Variants in CYP7B1 observed in about 807,000 individuals in gnomAD.
CYP7B1 encodes cytochrome P450 7B1.
Under a neutral mutation model 42.7 loss-of-function variants are expected in CYP7B1, and 29 were observed. The ratio of observed to expected loss-of-function variants is 0.68; its 90% CI spans 0.51 to 0.93. CYP7B1 has a LOEUF of 0.93. CYP7B1 is among the 40% of genes least tolerant of loss of function. The pLI is 0.00. For missense variants in CYP7B1, 655 were observed against 600.5 expected, an observed-to-expected ratio of 1.09 and a Z score of -0.95; for synonymous variants, 235 against 218.2, an observed-to-expected ratio of 1.08 and a Z score of -0.68.
chr8:64,616,204 C>T lies in CYP7B1; in HGVS notation c.337G>A (p.Val113Ile), dbSNP rs1563364483. Residue 113 changes from valine (V) to isoleucine (I), a missense_variant, in exon 3 of 6, where the codon GTA becomes ATA. Val to Ile is a conservative substitution (Grantham distance 29). Transcript: ENST00000310193. ...TTCTCTAATAATTTATTAGAAAATA[C>T]TCGAAAGCTTAATTGTTTATGATTT... ...IKNHKQLSFR[V>I]FSNKLLEKAF... 2.5e-6 allele frequency: 4 copies of T among 1,610,994 alleles called. No homozygotes were observed. Among genetic ancestry groups the T allele is most frequent in the Non-Finnish European group, 3.4e-6 (4 of 1,178,714 alleles).
At chr8:64,626,482 G>C (rs1318662213) in intron 1 of CYP7B1, among the ~76,000 whole-genome samples, 1 of 152,092 alleles carries the variant, frequency 6.6e-6, no homozygotes, top group Non-Finnish European at 1.5e-5. Context: ...TGTATTTGAG[G>C]TATTATTTTG....
Position 64,595,427 on chromosome 8 carries a change from C to T in CYP7B1, c.*1215G>A, listed in dbSNP as rs1585795010. The stretch of plus-strand genomic sequence containing the variant: ...TGAATTAACTGGACTTTATTACCTG[C>T]CTTGCCTGCTTATATATTGCATCAT... On this transcript the variant is annotated 3_prime_UTR_variant, in exon 6 of 6. Transcript: ENST00000310193. Among the ~76,000 whole-genome samples, 1 of 152,132 alleles carries T rather than the reference C, an allele frequency of 6.6e-6. No homozygotes were observed. Among genetic ancestry groups the T allele is most frequent in the African/African-American group, 2.4e-5 (1 of 41,420 alleles).
intron 4 of CYP7B1, among the ~76,000 whole-genome samples, chr8:64,611,979 C>A (rs1194917961): frequency 2.0e-5 from 3 of 152,030 alleles, no homozygotes; most frequent in African/African-American, 4.8e-5. Context: ...ATACCGTGTA[C>A]CATTATACTA....
At chr8:64,730,202 C>G (rs1424878607) in intron 1 of CYP7B1, among the ~76,000 whole-genome samples, 2 of 152,118 alleles carry the variant, frequency 1.3e-5, no homozygotes, top group Non-Finnish European at 2.9e-5. Flanking sequence ...GATGGGACTA[C>G]AGGCACATGC....
chr8:64,684,834 T>G (rs960279008), intron 1 of CYP7B1, among the ~76,000 whole-genome samples: 1 of 152,218 alleles, frequency 6.6e-6, no homozygotes, highest in Admixed American at 6.5e-5. Flanking sequence ...AAAAGGCGCT[T>G]GACATCATTA....
intron 1 of CYP7B1, among the ~76,000 whole-genome samples, chr8:64,689,989 A>C (rs2129632186): frequency 6.6e-6 from 1 of 152,354 alleles, no homozygotes; most frequent in Non-Finnish European, 1.5e-5. Context: ...GTCTTGATGT[A>C]ATACTCTTTT....
chr8:64,748,070 C>T (rs1807671411), intron 1 of CYP7B1, among the ~76,000 whole-genome samples: 1 of 152,176 alleles, frequency 6.6e-6, no homozygotes, highest in Non-Finnish European at 1.5e-5. Context: ...GATTTTTGAG[C>T]TTGCCAGCCA....
chr8:64,595,595 G>T lies in CYP7B1; in HGVS notation c.*1047C>A, dbSNP rs1805105183. Among the ~76,000 whole-genome samples the T allele has an allele frequency of 7.2e-5, 11 of 151,968 alleles. No homozygotes were observed. ...GAGGTCAGGATTTGAGACCAGCCTG[G>T]GCAACACAGCCAGATACTCTCTCAA... On this transcript the variant is annotated 3_prime_UTR_variant, in exon 6 of 6. Coordinates refer to ENST00000310193, the MANE Select transcript of CYP7B1 (RefSeq NM_004820.5).
downstream of CYP7B1, among the ~76,000 whole-genome samples, chr8:64,590,821 T>A (rs1489317538): frequency 6.6e-6 from 1 of 152,154 alleles, no homozygotes; most frequent in Non-Finnish European, 1.5e-5. Context: ...ATATTCCTAG[T>A]AGGACAATAA....
rs1290266306 is a variant in CYP7B1 at position 64,630,540 on chromosome 8, A to G, written c.123-6001T>C. Among the ~76,000 whole-genome samples the G allele has an allele frequency of 2.6e-5, 4 of 152,172 alleles. No individual in the cohort carries two copies. In the East Asian group the frequency reaches 7.7e-4, roughly 29 times the overall value. The stretch of plus-strand genomic sequence containing the variant: ...CAATTGCATATCTGTGGTTTTGCTT[A>G]CTCATTCTCTGCCTGAACTGTTTCT... On this transcript the variant is annotated intron_variant, in intron 1 of 5. Transcript: ENST00000310193.
intron 1 of CYP7B1, among the ~76,000 whole-genome samples, chr8:64,788,755 G>A (rs1350220549): frequency 6.6e-6 from 1 of 152,152 alleles, no homozygotes; most frequent in Non-Finnish European, 1.5e-5. Context: ...TAGAAATTTT[G>A]TGAGGTTTTG....
intron 1 of CYP7B1, among the ~76,000 whole-genome samples, chr8:64,736,040 C>G (rs1255515729): frequency 2.6e-5 from 4 of 152,132 alleles, no homozygotes; most frequent in African/African-American, 9.7e-5. Context: ...CTTTTATCTT[C>G]TGACAACATC....
chr8:64,671,586 T>A (rs1396547848), intron 1 of CYP7B1, among the ~76,000 whole-genome samples: 1 of 152,164 alleles, frequency 6.6e-6, no homozygotes, highest in Non-Finnish European at 1.5e-5. Context: ...ATAGAAAATC[T>A]GATTCGAGGC....
chr8:64,706,669 T>C (rs989773227), intron 1 of CYP7B1, among the ~76,000 whole-genome samples: 7 of 151,972 alleles, frequency 4.6e-5, no homozygotes, highest in Non-Finnish European at 8.8e-5. Context: ...AATAGTAAAC[T>C]AATCACAATA....
intron 1 of CYP7B1, among the ~76,000 whole-genome samples, chr8:64,651,092 T>A (rs1034096845): frequency 6.6e-6 from 1 of 152,180 alleles, no homozygotes; most frequent in Non-Finnish European, 1.5e-5. Flanking sequence ...TCTGATCACA[T>A]GAGCTTTGGA....
intron 4 of CYP7B1, among the ~76,000 whole-genome samples, chr8:64,611,411 T>C (rs904124386): frequency 2.0e-5 from 3 of 152,154 alleles, no homozygotes; most frequent in Non-Finnish European, 2.9e-5. Context: ...CTTTGAAATA[T>C]TGAAATCGTT....
At chr8:64,740,211 CA>C in intron 1 of CYP7B1, among the ~76,000 whole-genome samples, 1 of 152,116 alleles carries the variant, frequency 6.6e-6, no homozygotes, top group Non-Finnish European at 1.5e-5. Context: ...AGAGATTATA[CA>C]AAGTGTTTTC....
Position 64,604,753 on chromosome 8 carries a change from G to A in CYP7B1, c.1162C>T (p.Arg388Ter), listed in dbSNP as rs72554620. The A allele has an allele frequency of 8.1e-6, 13 of 1,613,958 alleles. No individual in the cohort carries two copies. Among genetic ancestry groups the A allele is most frequent in the East Asian group, 6.7e-5 (3 of 44,892 alleles). ...AAGATGGCTACCAAGTCTCCCTTTC[G>A]CACACAGTAGTCCCCGGTCTCTGAA... ...LSSETGDYCV[R>*]KGDLVAIFPP... Residue 388 changes from arginine to a stop codon, truncating the protein, a stop_gained, in exon 5 of 6, where the codon CGA becomes TGA. Transcript: ENST00000310193. LOFTEE classifies it high-confidence loss of function.
chr8:64,732,845 T>C (rs374926829), intron 1 of CYP7B1: 2 of 152,678 alleles, frequency 1.3e-5, no homozygotes, highest in Admixed American at 6.5e-5. Flanking sequence ...CGACCTTTGC[T>C]CTGCACTTCT....
Sources: allele counts gnomAD v4.1 joint callset (sites outside exome capture counted in the v4.1 genomes callset), GRCh38; gene constraint gnomAD v4.1.1; transcripts MANE v1.5; gene names NCBI Gene and HGNC (gene_info 2026-07-23, HGNC 2026-07-21).